The following NTM variants were observed in gnomAD, a reference collection of about 807,000 sequenced individuals.
NTM encodes IgLON family member 2.
NTM carries 13 observed loss-of-function variants against 42.1 expected under a neutral mutation model. That is an observed-to-expected ratio of 0.31 (90% CI 0.20 to 0.49). The LOEUF is 0.49. Among genes scored for constraint, NTM ranks in the 20% least tolerant of loss-of-function variants. The pLI, the probability that NTM is intolerant of heterozygous loss-of-function variation, is 0.99. For synonymous variants in NTM, 187 were observed against 179.2 expected (o/e 1.04, Z -0.35); for missense variants, 373 against 452.8 (o/e 0.82, Z 1.60).
In NTM at chr11:131,509,320, C is replaced by G. The variant is rs375394499; in HGVS notation, c.82+138432C>G. 1.5e-4 allele frequency among the ~76,000 whole-genome samples: 23 copies of G among 152,314 alleles called. No homozygotes were observed. The South Asian group carries it at 4.8e-3, about 32-fold the overall frequency. The stretch of plus-strand genomic sequence containing the variant: ...CTCTGCATGGGCTCACTCCCAATAA[C>G]TCCGCTTTGGTCTCCCTTTACTCTG... On this transcript the variant is annotated intron_variant, in intron 1 of 8. Transcript: ENST00000683400.
At chr11:131,494,823 A>G (rs1449374752) in intron 1 of NTM, among the ~76,000 whole-genome samples, 1 of 152,204 alleles carries the variant, frequency 6.6e-6, no homozygotes, top group Admixed American at 6.6e-5. Flanking sequence ...TGTCATAGCA[A>G]GATTTTAACA....
At chr11:131,386,995 A>G (rs1943399447) in intron 1 of NTM, among the ~76,000 whole-genome samples, 1 of 152,172 alleles carries the variant, frequency 6.6e-6, no homozygotes, top group African/African-American at 2.4e-5. Context: ...TACAAAGCTT[A>G]TTATATCAAA....
intron 4 of NTM, among the ~76,000 whole-genome samples, chr11:132,290,343 A>G (rs1490141877): frequency 6.6e-6 from 1 of 152,136 alleles, no homozygotes; most frequent in Non-Finnish European, 1.5e-5. Context: ...GCCCTTGGTA[A>G]ATCACTGATA....
chr11:131,549,580 A>G (rs1428866151), intron 1 of NTM, among the ~76,000 whole-genome samples: 3 of 152,130 alleles, frequency 2.0e-5, no homozygotes, highest in Non-Finnish European at 2.9e-5. Context: ...CAACAACAAA[A>G]CAAAACGCCC....
intron 1 of NTM, among the ~76,000 whole-genome samples, chr11:131,385,725 T>A (rs763669464): frequency 1.2e-4 from 18 of 152,098 alleles, no homozygotes; most frequent in Non-Finnish European, 2.2e-4. Context: ...GGCGCAGAGG[T>A]GCACACCTGT....
At chr11:131,665,075 C>T (rs1456245115) in intron 1 of NTM, among the ~76,000 whole-genome samples, 2 of 152,114 alleles carry the variant, frequency 1.3e-5, no homozygotes, top group Non-Finnish European at 2.9e-5. Context: ...TCTGTGTTTG[C>T]CAGTGGCATT....
At chr11:131,503,222 G>T (rs535209137) in intron 1 of NTM, among the ~76,000 whole-genome samples, 1 of 152,200 alleles carries the variant, frequency 6.6e-6, no homozygotes, top group South Asian at 2.1e-4. Flanking sequence ...GTGCCTGGGG[G>T]AAGGTGTGGA....
chr11:132,151,621 C>T (rs1453273439), intron 3 of NTM, among the ~76,000 whole-genome samples: 6 of 152,228 alleles, frequency 3.9e-5, no homozygotes, highest in African/African-American at 7.2e-5. Flanking sequence ...TAATCATCCC[C>T]TCCCTTTTGT....
At chr11:131,976,807 C>T (rs898595593) in intron 2 of NTM, among the ~76,000 whole-genome samples, 4 of 152,154 alleles carry the variant, frequency 2.6e-5, no homozygotes, top group African/African-American at 7.2e-5. Context: ...AGCATCTCAG[C>T]GAAAGTGCTA....
chr11:131,960,350 A>G (rs2062021080), intron 2 of NTM, among the ~76,000 whole-genome samples: 1 of 152,186 alleles, frequency 6.6e-6, no homozygotes, highest in South Asian at 2.1e-4. Flanking sequence ...GTTCTGCTAG[A>G]ATAATTGAGT....
intron 1 of NTM, among the ~76,000 whole-genome samples, chr11:131,499,739 T>C (rs1033060710): frequency 1.3e-5 from 2 of 152,138 alleles, no homozygotes; most frequent in Non-Finnish European, 1.5e-5. Context: ...ATACGCTAAG[T>C]TTCTTCTGCA....
At chr11:132,087,510 A>G (rs755045085) in intron 2 of NTM, among the ~76,000 whole-genome samples, 7 of 152,094 alleles carry the variant, frequency 4.6e-5, no homozygotes, top group Non-Finnish European at 7.4e-5. Context: ...AACTGCCTCA[A>G]GGAGGTGCCT....
intron 2 of NTM, among the ~76,000 whole-genome samples, chr11:132,048,914 G>A (rs2135892332): frequency 6.7e-6 from 1 of 150,100 alleles, no homozygotes; most frequent in Non-Finnish European, 1.5e-5. Context: ...CGGGGCTTCT[G>A]AAGAGTCGGC....
At chr11:131,583,687 C>A (rs111567511) in intron 1 of NTM, among the ~76,000 whole-genome samples, 1 of 152,296 alleles carries the variant, frequency 6.6e-6, no homozygotes, top group Non-Finnish European at 1.5e-5. Flanking sequence ...GAGAGGGAGG[C>A]TGAATCCTGC....
intron 4 of NTM, among the ~76,000 whole-genome samples, chr11:132,286,993 C>G (rs946572731): frequency 5.9e-5 from 9 of 152,176 alleles, no homozygotes; most frequent in Non-Finnish European, 1.3e-4. Context: ...AATCCTTTCC[C>G]TGGTACATGA....
intron 7 of NTM, among the ~76,000 whole-genome samples, chr11:132,318,228 A>C (rs1224752449): frequency 6.6e-6 from 1 of 152,194 alleles, no homozygotes; most frequent in Non-Finnish European, 1.5e-5. Context: ...CCTGACGTCC[A>C]GTAGCTCTTT....
At chr11:131,853,784 T>C (rs981514367) in intron 1 of NTM, among the ~76,000 whole-genome samples, 18 of 152,174 alleles carry the variant, frequency 1.2e-4, no homozygotes, top group African/African-American at 4.3e-4. Context: ...GATCAAGTGA[T>C]ATTTCTGCCT....
intron 2 of NTM, among the ~76,000 whole-genome samples, chr11:132,039,186 A>G (rs958603394): frequency 2.6e-5 from 4 of 152,046 alleles, no homozygotes; most frequent in African/African-American, 7.2e-5. Flanking sequence ...CTCCCACCCA[A>G]TTGGACCGCA....
chr11:132,226,446 T>A (rs778466373), intron 4 of NTM, among the ~76,000 whole-genome samples: 2 of 152,254 alleles, frequency 1.3e-5, no homozygotes, highest in Non-Finnish European at 2.9e-5. Context: ...TGATTTGCAT[T>A]TCTGTAATGA....
Sources: allele counts gnomAD v4.1 joint callset (sites outside exome capture counted in the v4.1 genomes callset), GRCh38; gene constraint gnomAD v4.1.1; transcripts MANE v1.5; gene names NCBI Gene and HGNC (gene_info 2026-07-23, HGNC 2026-07-21).